PIP4K2A: variants seen among roughly 807,000 people sequenced by gnomAD.
PIP4K2A encodes phosphatidylinositol-5-phosphate 4-kinase type 2 alpha.
A neutral mutation model predicts 42.9 loss-of-function variants in PIP4K2A; 14 were observed. The ratio of observed to expected loss-of-function variants is 0.33; its 90% CI spans 0.22 to 0.51. The LOEUF (loss-of-function observed/expected upper bound fraction) is 0.51, where lower values mean the gene tolerates loss of function less well. Ranked by LOEUF, PIP4K2A falls within the 20% of genes least tolerant of loss-of-function variation. PIP4K2A has a pLI of 0.97. For missense variants in PIP4K2A, 434 were observed against 519.8 expected (o/e 0.83, Z 1.61); for synonymous variants, 192 against 192.2 (o/e 1.00, Z 0.01).
Position 22,604,655 on chromosome 10 carries a change from G to A in PIP4K2A, c.339+3272C>T, listed in dbSNP as rs78005536. Among the ~76,000 whole-genome samples, 893 of 152,250 alleles carry A rather than the reference G, an allele frequency of 5.9e-3. 5 individuals are homozygous for A. The highest frequency in any genetic ancestry group is 0.02 in the African/African-American group (841 of 41,554). ...TTCAAAAAGCAGCTCACATTGATAA[G>A]CTCAGAAAGAGAGTTGGTTTTTTTC... On this transcript the variant is annotated intron_variant, in intron 3 of 9. Coordinates refer to ENST00000376573, the MANE Select transcript of PIP4K2A (RefSeq NM_005028.5).
intron 5 of PIP4K2A, chr10:22,569,016 T>G (rs1564424566): frequency 6.5e-7 from 1 of 1,534,600 alleles, no homozygotes; most frequent in East Asian, 2.4e-5. Context: ...AACTTACAGT[T>G]GGCTTGGGAA....
At chr10:22,573,697 G>A (rs982516454) in intron 4 of PIP4K2A, among the ~76,000 whole-genome samples, 2 of 152,138 alleles carry the variant, frequency 1.3e-5, no homozygotes, top group Non-Finnish European at 2.9e-5. Context: ...ATTCCAAATG[G>A]AATTTGTATG....
At chr10:22,698,897 A>G (rs1271586159) in intron 1 of PIP4K2A, among the ~76,000 whole-genome samples, 1 of 152,212 alleles carries the variant, frequency 6.6e-6, no homozygotes, top group Non-Finnish European at 1.5e-5. Context: ...AATTTCACTG[A>G]AACCATATTT....
At chr10:22,692,658 T>C (rs941195399) in intron 1 of PIP4K2A, among the ~76,000 whole-genome samples, 2 of 152,182 alleles carry the variant, frequency 1.3e-5, no homozygotes, top group Non-Finnish European at 2.9e-5. Context: ...AGTACTACCA[T>C]CAAATGTTTT....
In PIP4K2A at chr10:22,562,271, G is replaced by A. The variant is rs573915100; in HGVS notation, c.678+5580C>T. Among the ~76,000 whole-genome samples, 110 of 152,304 alleles carry A rather than the reference G, an allele frequency of 7.2e-4. 1 individual carries two copies. The South Asian group carries it at 0.022, about 30-fold the overall frequency. ...ATGTTTTTAAGAGTTCGGCTTGGCC[G>A]GGCGCGGTGGCTAATGCCTGTAATC... is the stretch of plus-strand genomic sequence containing the variant. On this transcript the variant is annotated intron_variant, in intron 6 of 9. Transcript: ENST00000376573.
intron 7 of PIP4K2A, among the ~76,000 whole-genome samples, chr10:22,550,419 G>A (rs1048963482): frequency 6.9e-4 from 105 of 152,168 alleles, no homozygotes; most frequent in African/African-American, 2.4e-3. Flanking sequence ...GATTCCCAGC[G>A]GATGACAGCA....
At chr10:22,593,842 G>A (rs559445147) in intron 3 of PIP4K2A, among the ~76,000 whole-genome samples, 2 of 152,316 alleles carry the variant, frequency 1.3e-5, no homozygotes, top group South Asian at 2.1e-4. Context: ...CTGACAATAC[G>A]TGTAAAACAA....
chr10:22,600,539 CAGGCCTCCT>C (rs1291939026), intron 3 of PIP4K2A, among the ~76,000 whole-genome samples: 3 of 152,148 alleles, frequency 2.0e-5, no homozygotes, highest in Non-Finnish European at 2.9e-5. Context: ...AAGACTCAAC[CAGGCCTCCT>C]AACTTCCCGG....
intron 4 of PIP4K2A, among the ~76,000 whole-genome samples, chr10:22,587,556 C>T (rs1419907557): frequency 6.6e-6 from 1 of 152,232 alleles, no homozygotes; most frequent in Non-Finnish European, 1.5e-5. Flanking sequence ...TACCTCTGAG[C>T]ATCTCAAACC....
chr10:22,538,047 G>A (rs1231153372), intron 9 of PIP4K2A, among the ~76,000 whole-genome samples: 3 of 152,208 alleles, frequency 2.0e-5, no homozygotes, highest in African/African-American at 7.2e-5. Flanking sequence ...ACACTCAAGG[G>A]AGTCACTCAC....
chr10:22,674,431 A>AAAAAAAAG (rs1839515716), intron 1 of PIP4K2A, among the ~76,000 whole-genome samples: 2 of 149,584 alleles, frequency 1.3e-5, no homozygotes, highest in Non-Finnish European at 2.9e-5. Context: ...AAAAAAAAAA[A>AAAAAAAAG]AAAAAAAGAA....
chr10:22,581,025 TC>T (rs1287978227), intron 4 of PIP4K2A, among the ~76,000 whole-genome samples: 1 of 152,192 alleles, frequency 6.6e-6, no homozygotes, highest in Non-Finnish European at 1.5e-5. Flanking sequence ...ATGCTGGCCG[TC>T]CCGTGTGTGG....
intron 1 of PIP4K2A, among the ~76,000 whole-genome samples, chr10:22,696,013 T>C (rs1839964104): frequency 6.6e-6 from 1 of 152,104 alleles, no homozygotes; most frequent in African/African-American, 2.4e-5. Flanking sequence ...CGCAATATTT[T>C]TGTAAGAAAC....
chr10:22,578,927 C>T (rs1007033463), intron 4 of PIP4K2A, among the ~76,000 whole-genome samples: 3 of 152,144 alleles, frequency 2.0e-5, no homozygotes, highest in African/African-American at 7.2e-5. Flanking sequence ...TTATAATTAA[C>T]ACCATGACCC....
intron 6 of PIP4K2A, among the ~76,000 whole-genome samples, chr10:22,555,933 T>A (rs1836531290): frequency 6.6e-6 from 1 of 151,890 alleles, no homozygotes; most frequent in African/African-American, 2.4e-5. Flanking sequence ...AATCTCATCA[T>A]GTTTTAAGAA....
rs1564459754 is a variant in PIP4K2A, at chr10:22,664,064, T to TATATATATATATATAC, written c.144+50118_144+50119insGTATATATATATATAT. ...ATATATATACATATGTATATATACA[T>TATATATATATATATAC]ATATATATATACGTATATATATATA... On this transcript the variant is annotated intron_variant, in intron 1 of 9. Transcript: ENST00000376573. Among the ~76,000 whole-genome samples, 12 of 77,774 alleles carry TATATATATATATATAC rather than the reference T, an allele frequency of 1.5e-4. No homozygotes were observed. The East Asian group carries it at 1.8e-3, about 11-fold the overall frequency. The allele number at this position is 77,774 out of a possible 152,430, so 51.0% of individuals were successfully genotyped here. A position where few individuals can be genotyped will look rare whatever the true frequency, so the allele number is the denominator to read the frequency against.
intron 1 of PIP4K2A, among the ~76,000 whole-genome samples, chr10:22,635,911 T>C (rs1301076738): frequency 6.6e-6 from 1 of 152,228 alleles, no homozygotes; most frequent in African/African-American, 2.4e-5. Context: ...TTAGGGTACG[T>C]AGAAGATGCA....
rs1839644045 is a variant in PIP4K2A, at chr10:22,680,772, ATGT to A, written c.144+33408_144+33410del. On this transcript the variant is annotated intron_variant, in intron 1 of 9. Transcript: ENST00000376573. ...CTACACATGTATTGAGGTCTTGGTG[ATGT>A]TGTTCAAAGAGTGAAGGACATGCCA... 2.6e-5 allele frequency among the ~76,000 whole-genome samples: 4 copies of A among 152,312 alleles called. No homozygotes were observed. In the South Asian group the frequency reaches 8.3e-4, roughly 32 times the overall value.
intron 1 of PIP4K2A, among the ~76,000 whole-genome samples, chr10:22,629,763 A>G (rs1272614792): frequency 6.6e-6 from 1 of 152,150 alleles, no homozygotes; most frequent in Non-Finnish European, 1.5e-5. Context: ...TATTCCAACC[A>G]AAGACAACCC....
Sources: gnomAD v4.1 joint callset for allele counts (sites outside exome capture counted in the v4.1 genomes callset) on GRCh38, gnomAD v4.1.1 for gene constraint, MANE v1.5 for transcripts, NCBI Gene and HGNC (gene_info 2026-07-23, HGNC 2026-07-21) for gene names.